The following DCDC2 variants were observed in gnomAD, a reference collection of about 807,000 sequenced individuals.
DCDC2 encodes the protein doublecortin domain-containing protein 2.
In DCDC2, 40 loss-of-function variants were observed where a neutral mutation model predicts 50.2. The ratio of observed to expected loss-of-function variants is 0.80; its 90% CI spans 0.62 to 1.04. The LOEUF (loss-of-function observed/expected upper bound fraction) is 1.04, where lower values mean the gene tolerates loss of function less well. Among genes scored for constraint, DCDC2 ranks in the 50% least tolerant of loss-of-function variants. DCDC2 has a pLI of 0.00. For missense variants in DCDC2, 570 were observed against 581.9 expected, an observed-to-expected ratio of 0.98 and a Z score of 0.21; for synonymous variants, 234 against 210.6, an observed-to-expected ratio of 1.11 and a Z score of -0.96.
At chr6:24,315,660 T>C (rs764846774) in intron 2 of DCDC2, among the ~76,000 whole-genome samples, 11 of 151,870 alleles carry the variant, frequency 7.2e-5, no homozygotes, top group Non-Finnish European at 1.5e-4. Context: ...AAAAAATACT[T>C]TGGGAGCAGA....
At chr6:24,192,991 A>G (rs1761345753) in intron 8 of DCDC2, among the ~76,000 whole-genome samples, 1 of 152,092 alleles carries the variant, frequency 6.6e-6, no homozygotes, top group Admixed American at 6.6e-5. Context: ...AAAATAGTCT[A>G]AAAGCCTTCA....
chr6:24,238,048 G>A (rs549273809), intron 7 of DCDC2, among the ~76,000 whole-genome samples: 36 of 129,320 alleles, frequency 2.8e-4, no homozygotes, highest in Admixed American at 1.3e-3. Context: ...TAATAAACCT[G>A]CACATGTGCA....
rs150327337 is a variant in DCDC2 at position 24,215,716 on chromosome 6, G to A, written c.923-10614C>T. On this transcript the variant is annotated intron_variant, in intron 7 of 9. Coordinates refer to ENST00000378454, the MANE Select transcript of DCDC2 (RefSeq NM_016356.5). The stretch of plus-strand genomic sequence containing the variant: ...TGAAATGGGAAACAAAGCATGCCAT[G>A]ATGGGTCAGGACGCTCCGAAGCATA... Among the ~76,000 whole-genome samples the A allele has an allele frequency of 3.6e-3, 543 of 152,336 alleles. 5 individuals are homozygous for A. Among genetic ancestry groups the A allele is most frequent in the South Asian group, 0.019 (93 of 4,830 alleles).
intron 7 of DCDC2, among the ~76,000 whole-genome samples, chr6:24,254,663 C>G (rs1762857264): frequency 6.6e-6 from 1 of 152,086 alleles, no homozygotes; most frequent in Non-Finnish European, 1.5e-5. Context: ...GTGCACTCCT[C>G]AACTTGATAG....
intron 7 of DCDC2, among the ~76,000 whole-genome samples, chr6:24,270,504 T>C (rs1763215245): frequency 6.6e-6 from 1 of 152,172 alleles, no homozygotes; most frequent in African/African-American, 2.4e-5. Context: ...ATACTGACCC[T>C]GTGCTGACTA....
intron 6 of DCDC2, among the ~76,000 whole-genome samples, chr6:24,287,593 C>G (rs965435779): frequency 6.6e-6 from 1 of 152,222 alleles, no homozygotes; most frequent in South Asian, 2.1e-4. Context: ...GTTGAGCCCA[C>G]AAGGGCCCGG....
chr6:24,377,383 G>A, the DCDC2 span, among the ~76,000 whole-genome samples: 1 of 152,118 alleles, frequency 6.6e-6, no homozygotes, highest in African/African-American at 2.4e-5. Context: ...AAGCTGACTA[G>A]AGATTCATTA....
chr6:24,314,314 AGG>A (rs1759623978), intron 2 of DCDC2, among the ~76,000 whole-genome samples: 4 of 152,132 alleles, frequency 2.6e-5, no homozygotes, highest in African/African-American at 4.8e-5. Context: ...TTCTACAAAA[AGG>A]TTTAAAATTA....
In DCDC2 at chr6:24,285,391, TTTTA is replaced by T. The variant is rs538629970; in HGVS notation, c.759+3457_759+3460del. ...ACACACCTATCTAAATGTGTTTTTC[TTTTA>T]TTGTCTTTCATATTACTGTGCACTT... is the stretch of plus-strand genomic sequence containing the variant. On this transcript the variant is annotated intron_variant, in intron 6 of 9. Transcript: ENST00000378454. Among the ~76,000 whole-genome samples the T allele has an allele frequency of 4.2e-3, 634 of 152,348 alleles. 5 individuals carry two copies. Among genetic ancestry groups the T allele is most frequent in the Non-Finnish European group, 6.4e-3 (435 of 68,036 alleles).
At chr6:24,376,860 C>A in the DCDC2 span, among the ~76,000 whole-genome samples, 51 of 150,124 alleles carry the variant, frequency 3.4e-4, no homozygotes, top group African/African-American at 1.2e-3. Flanking sequence ...AGAGTTTTAC[C>A]CAGAAATGCT....
chr6:24,306,494 TTAGATAGATAGATAGATAGA>T (rs28987368), intron 2 of DCDC2, among the ~76,000 whole-genome samples: 44 of 129,472 alleles, frequency 3.4e-4, no homozygotes, highest in African/African-American at 1.0e-3. Context: ...TGAGTGGAGA[TTAGATAGATAGATAGATAGA>T]TAGATAGATA....
chr6:24,261,050 T>C (rs1316190992), intron 7 of DCDC2, among the ~76,000 whole-genome samples: 1 of 152,232 alleles, frequency 6.6e-6, no homozygotes, highest in Non-Finnish European at 1.5e-5. Flanking sequence ...ATGCTTTTAA[T>C]TGAATCTTTT....
At chr6:24,292,797 T>C (rs1284978857) in intron 4 of DCDC2, among the ~76,000 whole-genome samples, 2 of 152,184 alleles carry the variant, frequency 1.3e-5, no homozygotes, top group Non-Finnish European at 1.5e-5. Context: ...GCCCTGTACA[T>C]TGTAAGATGT....
At chr6:24,251,959 T>C (rs1200037492) in intron 7 of DCDC2, among the ~76,000 whole-genome samples, 1 of 152,220 alleles carries the variant, frequency 6.6e-6, no homozygotes, top group Non-Finnish European at 1.5e-5. Context: ...TGCAGAATGC[T>C]GTCTAAATGT....
chr6:24,229,330 G>C (rs892958541), intron 7 of DCDC2, among the ~76,000 whole-genome samples: 1 of 152,076 alleles, frequency 6.6e-6, no homozygotes, highest in Non-Finnish European at 1.5e-5. Context: ...GCTCGTGGTC[G>C]AGTCTTTTTT....
At chr6:24,359,087 A>T (rs1366702606), upstream of DCDC2, among the ~76,000 whole-genome samples, 2 of 38,670 alleles carry the variant, frequency 5.2e-5, no homozygotes, top group African/African-American at 2.4e-4. Context: ...ATATATTTTT[A>T]TATATTATAT....
the DCDC2 span, among the ~76,000 whole-genome samples, chr6:24,364,556 T>C: frequency 6.6e-6 from 1 of 152,226 alleles, no homozygotes; most frequent in Non-Finnish European, 1.5e-5. Context: ...AAAAGGATTG[T>C]GTTCATTTTA....
chr6:24,311,297 C>T (rs1413504783), intron 2 of DCDC2, among the ~76,000 whole-genome samples: 1 of 152,274 alleles, frequency 6.6e-6, no homozygotes, highest in African/African-American at 2.4e-5. Context: ...ACTTTTTATA[C>T]AATACTTTTT....
At chr6:24,259,917 C>G (rs768501961) in intron 7 of DCDC2, among the ~76,000 whole-genome samples, 1 of 152,158 alleles carries the variant, frequency 6.6e-6, no homozygotes, top group Non-Finnish European at 1.5e-5. Flanking sequence ...CATTTTTATG[C>G]CTCTCCTCTC....
Sources: gnomAD v4.1 joint callset for allele counts (sites outside exome capture counted in the v4.1 genomes callset) on GRCh38, gnomAD v4.1.1 for gene constraint, MANE v1.5 for transcripts, NCBI Gene and HGNC (gene_info 2026-07-23, HGNC 2026-07-21) for gene names.